The following CTIF variants were observed in gnomAD, a reference collection of about 807,000 sequenced individuals.
CTIF encodes the protein cap binding complex dependent translation initiation factor.
In CTIF, 21 loss-of-function variants were observed where a neutral mutation model predicts 66.0. The ratio of observed to expected loss-of-function variants is 0.32; its 90% CI spans 0.23 to 0.46. CTIF has a LOEUF of 0.46. Among genes scored for constraint, CTIF ranks in the 20% least tolerant of loss-of-function variants. The pLI is 1.00. For synonymous variants in CTIF, 345 were observed against 326.4 expected (o/e 1.06, Z -0.62); for missense variants, 739 against 812.7 (o/e 0.91, Z 1.10).
chr18:48,596,775 T>G (rs562295083), intron 1 of CTIF, among the ~76,000 whole-genome samples: 1 of 152,320 alleles, frequency 6.6e-6, no homozygotes, highest in South Asian at 2.1e-4. Flanking sequence ...CGCACATGTC[T>G]GGAATCAGTT....
Position 48,758,279 on chromosome 18 carries a change from G to A in CTIF, c.945G>A (p.Gln315=). ...PVASERLPPQ[Q]SGGPEVETKR... ...CTTCTGAGCGGCTGCCCCCACAGCAGTCAGGGGGGCCAGAGGTTGAGACAA... is the reference window on the plus strand; with the variant it reads ...CTTCTGAGCGGCTGCCCCCACAGCAATCAGGGGGGCCAGAGGTTGAGACAA... Residue 315 remains glutamine (Q), a synonymous_variant, in exon 8 of 12, where the codon CAG becomes CAA. Coordinates refer to ENST00000256413, the MANE Select transcript of CTIF (RefSeq NM_014772.3). 1.2e-6 allele frequency: 2 copies of A among 1,613,508 alleles called. No homozygotes were observed. Among genetic ancestry groups the A allele is most frequent in the Non-Finnish European group, 8.5e-7 (1 of 1,179,902 alleles).
At chr18:48,567,920 G>C (rs1241506707) in intron 1 of CTIF, 1 of 152,250 alleles carries the variant, frequency 6.6e-6, no homozygotes, top group Non-Finnish European at 1.5e-5. Context: ...GGGAGGGCAG[G>C]TATAGCAAGT....
At chr18:48,728,292 T>C (rs1039451879) in intron 7 of CTIF, among the ~76,000 whole-genome samples, 19 of 152,190 alleles carry the variant, frequency 1.2e-4, no homozygotes, top group Non-Finnish European at 2.9e-5. Flanking sequence ...CCCAGAATGC[T>C]TCTGGCTCCG....
At chr18:48,803,774 A>T (rs1016422439) in intron 9 of CTIF, among the ~76,000 whole-genome samples, 5 of 152,034 alleles carry the variant, frequency 3.3e-5, no homozygotes, top group African/African-American at 9.7e-5. Flanking sequence ...ACATTTGGGG[A>T]GGGGGGGCTC....
chr18:48,631,363 G>A (rs539682390), intron 2 of CTIF, among the ~76,000 whole-genome samples: 4 of 152,240 alleles, frequency 2.6e-5, no homozygotes, highest in African/African-American at 9.6e-5. Flanking sequence ...CTACTTGGGA[G>A]GCTGAGGCAG....
intron 2 of CTIF, among the ~76,000 whole-genome samples, chr18:48,631,590 A>G (rs1206829404): frequency 2.0e-5 from 3 of 152,232 alleles, no homozygotes; most frequent in Non-Finnish European, 4.4e-5. Context: ...TAAAATGCAC[A>G]TCTATTTTGA....
At chr18:48,604,898 T>C (rs2090174967) in intron 1 of CTIF, among the ~76,000 whole-genome samples, 1 of 152,220 alleles carries the variant, frequency 6.6e-6, no homozygotes, top group Non-Finnish European at 1.5e-5. Flanking sequence ...TGTGACTGGC[T>C]TCTTTCATTT....
At chr18:48,730,254 GGGGCCCCCGCAGTGTGA>G (rs1452856230) in intron 7 of CTIF, among the ~76,000 whole-genome samples, 6 of 148,868 alleles carry the variant, frequency 4.0e-5, no homozygotes, top group Admixed American at 3.3e-4. Flanking sequence ...CGCGGTGTGA[GGGGCCCCCGCAGTGTGA>G]GGGCCTCCTG....
At chr18:48,830,099 C>A (rs1480655217) in intron 10 of CTIF, among the ~76,000 whole-genome samples, 1 of 152,152 alleles carries the variant, frequency 6.6e-6, no homozygotes, top group Admixed American at 6.5e-5. Context: ...AGGTGGGTTT[C>A]GGAGGCAGAC....
chr18:48,588,643 G>A lies in CTIF; in HGVS notation c.-28-30895G>A, dbSNP rs77651114. On this transcript the variant is annotated intron_variant, in intron 1 of 11. Transcript: ENST00000256413. ...CCCCTGCCCGGCTCGCTCCACATCC[G>A]TCCTTCCTTCTCCTGGCTGCATCTT... 1.0e-2 allele frequency among the ~76,000 whole-genome samples: 1,489 copies of A among 149,396 alleles called. 16 individuals carry two copies. Among genetic ancestry groups the A allele is most frequent in the African/African-American group, 0.03 (1,216 of 40,642 alleles).
intron 1 of CTIF, chr18:48,540,059 G>A (rs957956947): frequency 6.6e-6 from 1 of 152,176 alleles, no homozygotes; most frequent in Non-Finnish European, 1.5e-5. Context: ...TGCGTCCCCG[G>A]TGAGCCCGCG....
chr18:48,560,340 C>T (rs2089127170), intron 1 of CTIF, among the ~76,000 whole-genome samples: 1 of 151,752 alleles, frequency 6.6e-6, no homozygotes, highest in African/African-American at 2.4e-5. Flanking sequence ...ATTCTCCTGC[C>T]TCAGCCTCTG....
chr18:48,826,535 T>A (rs2068585630), intron 10 of CTIF: 1 of 152,272 alleles, frequency 6.6e-6, no homozygotes, highest in African/African-American at 2.4e-5. Context: ...TCTTACAACA[T>A]CCTATAGAAC....
intron 10 of CTIF, among the ~76,000 whole-genome samples, chr18:48,856,017 G>A (rs1237948154): frequency 1.3e-5 from 2 of 152,184 alleles, no homozygotes; most frequent in Admixed American, 1.3e-4. Context: ...AGGAGGGGAC[G>A]GCATTGAGAA....
intron 9 of CTIF, among the ~76,000 whole-genome samples, chr18:48,786,414 G>A (rs1911711390): frequency 6.6e-6 from 1 of 152,190 alleles, no homozygotes; most frequent in African/African-American, 2.4e-5. Flanking sequence ...TCAAATCCCA[G>A]CTCCACTACT....
rs1258122910 is a variant in CTIF, at chr18:48,656,898, G to T, written c.253-6854G>T. Among the ~76,000 whole-genome samples the T allele has an allele frequency of 2.0e-5, 3 of 152,210 alleles. No individual in the cohort carries two copies. The East Asian group carries it at 5.8e-4, about 29-fold the overall frequency. On this transcript the variant is annotated intron_variant, in intron 3 of 11. Transcript: ENST00000256413. ...AGGGCCAACCATGGAATTGCCAACT[G>T]CAGAATGTTCTTTAAGAGGCCACTG... is the stretch of plus-strand genomic sequence containing the variant.
intron 1 of CTIF, among the ~76,000 whole-genome samples, chr18:48,570,768 G>A (rs972343170): frequency 6.6e-6 from 1 of 152,122 alleles, no homozygotes; most frequent in African/African-American, 2.4e-5. Context: ...GTGAGTGCAG[G>A]GGGTAGGGGT....
chr18:48,656,254 C>G (rs1464862482), intron 3 of CTIF, among the ~76,000 whole-genome samples: 1 of 152,250 alleles, frequency 6.6e-6, no homozygotes, highest in Non-Finnish European at 1.5e-5. Context: ...AATAGAATAA[C>G]TGCATGCATA....
chr18:48,547,036 T>C (rs1358148932), intron 1 of CTIF, among the ~76,000 whole-genome samples: 1 of 152,182 alleles, frequency 6.6e-6, no homozygotes, highest in African/African-American at 2.4e-5. Flanking sequence ...TGGGGCTCTT[T>C]GCCCTTTGCT....
Sources: gnomAD v4.1 joint callset for allele counts (sites outside exome capture counted in the v4.1 genomes callset) on GRCh38, gnomAD v4.1.1 for gene constraint, MANE v1.5 for transcripts, NCBI Gene and HGNC (gene_info 2026-07-23, HGNC 2026-07-21) for gene names.